The following DLGAP1 variants were observed in gnomAD, a reference collection of about 807,000 sequenced individuals.
DLGAP1 encodes the protein DLG associated protein 1.
A neutral mutation model predicts 90.8 loss-of-function variants in DLGAP1; 11 were observed. The observed-to-expected ratio is 0.12, with a 90% CI of 0.08 to 0.20. The LOEUF (loss-of-function observed/expected upper bound fraction) is 0.20, where lower values mean the gene tolerates loss of function less well. Ranked by LOEUF, DLGAP1 falls within the 10% of genes least tolerant of loss-of-function variation. The probability of loss-of-function intolerance (pLI) is 1.00; values close to 1 mark genes in which losing one functional copy is unlikely to be tolerated. For synonymous variants in DLGAP1, 558 were observed against 540.7 expected, an observed-to-expected ratio of 1.03 and a Z score of -0.44; for missense variants, 1,050 against 1,333.8, an observed-to-expected ratio of 0.79 and a Z score of 3.31.
At chr18:3,726,419 A>G (rs2062180897) in intron 7 of DLGAP1, among the ~76,000 whole-genome samples, 1 of 151,532 alleles carries the variant, frequency 6.6e-6, no homozygotes. Flanking sequence ...TCATGTGAGA[A>G]AAAGAGAAGG....
intron 2 of DLGAP1, among the ~76,000 whole-genome samples, chr18:4,048,357 C>A (rs1343325919): frequency 6.6e-6 from 1 of 152,112 alleles, no homozygotes; most frequent in African/African-American, 2.4e-5. Context: ...CAATGAAATT[C>A]AAATTTTGCC....
intron 2 of DLGAP1, among the ~76,000 whole-genome samples, chr18:4,012,502 T>C (rs11081090): frequency 0.051 from 7,806 of 152,224 alleles, 289 homozygotes; most frequent in Middle Eastern, 0.14. Context: ...GCATGAGACA[T>C]ACTCCTTTTC....
At chr18:3,949,624 C>T (rs77736535) in intron 3 of DLGAP1, among the ~76,000 whole-genome samples, 26,563 of 152,100 alleles carry the variant, frequency 0.17, 2,548 homozygotes, top group African/African-American at 0.24. Context: ...AGCAGAGCGC[C>T]TCTTTGTCGA....
At chr18:4,087,962 C>T (rs1170059493) in intron 2 of DLGAP1, among the ~76,000 whole-genome samples, 1 of 151,404 alleles carries the variant, frequency 6.6e-6, no homozygotes, top group Non-Finnish European at 1.5e-5. Context: ...GGCTAGCTGT[C>T]TTCTATTTGT....
chr18:3,876,453 T>C (rs2071007410), intron 4 of DLGAP1, among the ~76,000 whole-genome samples: 1 of 152,252 alleles, frequency 6.6e-6, no homozygotes, highest in Admixed American at 6.5e-5. Context: ...TCAATATCTA[T>C]TAATAAGGAT....
chr18:3,600,943 GATATATAGAT>G lies in DLGAP1; in HGVS notation c.1592-18705_1592-18696del, dbSNP rs1433551435. ...ATAGATATATATAGATATATAGATA[GATATATAGAT>G]ATATATAGATATATAGATAGATATA... On this transcript the variant is annotated intron_variant, in intron 7 of 12. Coordinates refer to ENST00000315677, the MANE Select transcript of DLGAP1 (RefSeq NM_004746.4). Among the ~76,000 whole-genome samples, 4 of 70,420 alleles carry G rather than the reference GATATATAGAT, an allele frequency of 5.7e-5. 1 individual carries two copies. The highest frequency in any genetic ancestry group is 3.0e-4 in the East Asian group (1 of 3,368). The allele number at this position is 70,420 out of a possible 152,430, so 46.2% of individuals were successfully genotyped here. A position where few individuals can be genotyped will look rare whatever the true frequency, so the allele number is the denominator to read the frequency against.
intron 7 of DLGAP1, among the ~76,000 whole-genome samples, chr18:3,633,302 C>G (rs1216055482): frequency 2.0e-5 from 3 of 151,292 alleles, no homozygotes; most frequent in Admixed American, 1.3e-4. Context: ...ACTCTGGAGG[C>G]TGAGGCAGGA....
intron 3 of DLGAP1, among the ~76,000 whole-genome samples, chr18:3,922,635 T>G (rs1036758035): frequency 2.0e-5 from 3 of 152,228 alleles, no homozygotes; most frequent in African/African-American, 7.2e-5. Flanking sequence ...TTATTTTACC[T>G]TCTGGCTTGA....
chr18:3,801,160 C>A (rs1039180088), intron 5 of DLGAP1, among the ~76,000 whole-genome samples: 7 of 152,108 alleles, frequency 4.6e-5, no homozygotes, highest in African/African-American at 1.7e-4. Flanking sequence ...GAGGACGGCA[C>A]CAAGCCATTC....
At chr18:3,902,730 ACATT>A (rs1469689352) in intron 3 of DLGAP1, among the ~76,000 whole-genome samples, 1 of 152,208 alleles carries the variant, frequency 6.6e-6, no homozygotes, top group Non-Finnish European at 1.5e-5. Context: ...TTTTAGTCAG[ACATT>A]CAAAGTCCTC....
At chr18:3,956,388 C>G (rs1002040270) in intron 3 of DLGAP1, among the ~76,000 whole-genome samples, 1 of 151,982 alleles carries the variant, frequency 6.6e-6, no homozygotes, top group Non-Finnish European at 1.5e-5. Flanking sequence ...CTCGCTCTGT[C>G]GCCCAGGCTG....
At chr18:3,510,199 GC>G (rs1261381590) in intron 10 of DLGAP1, among the ~76,000 whole-genome samples, 1 of 152,200 alleles carries the variant, frequency 6.6e-6, no homozygotes, top group Admixed American at 6.5e-5. Context: ...GTCCTCAATA[GC>G]TACTGCCTGG....
intron 2 of DLGAP1, among the ~76,000 whole-genome samples, chr18:4,036,198 G>A (rs967925070): frequency 4.6e-5 from 7 of 152,108 alleles, no homozygotes; most frequent in African/African-American, 1.7e-4. Flanking sequence ...GTAATACTAG[G>A]AGAAACACAG....
intron 1 of DLGAP1, among the ~76,000 whole-genome samples, chr18:4,373,966 C>A (rs956610707): frequency 3.2e-4 from 49 of 152,016 alleles, no homozygotes; most frequent in African/African-American, 1.0e-3. Flanking sequence ...GAAAAAAGAA[C>A]CTGAAAGCAT....
At position 3,692,899 on chromosome 18, in the gene DLGAP1, T is replaced by A. The variant is rs1221954145; in HGVS notation, c.1591+36236A>T. ...AACACAGAGCTGGGACCTAGGTTAG[T>A]AATTCTGGACTTGGAGCTTCAAGGC... On this transcript the variant is annotated intron_variant, in intron 7 of 12. Coordinates refer to ENST00000315677, the MANE Select transcript of DLGAP1 (RefSeq NM_004746.4). 8.5e-5 allele frequency among the ~76,000 whole-genome samples: 13 copies of A among 152,290 alleles called. No homozygotes were observed. The South Asian group carries it at 2.5e-3, about 29-fold the overall frequency.
At chr18:4,115,587 G>A (rs1277198935) in intron 2 of DLGAP1, among the ~76,000 whole-genome samples, 6 of 151,904 alleles carry the variant, frequency 3.9e-5, no homozygotes, top group African/African-American at 1.2e-4. Context: ...CGGGGTTCAC[G>A]CCATCCTCCT....
chr18:4,235,205 T>C (rs1045211692), intron 1 of DLGAP1, among the ~76,000 whole-genome samples: 1 of 152,216 alleles, frequency 6.6e-6, no homozygotes, highest in Non-Finnish European at 1.5e-5. Flanking sequence ...CACATTCATT[T>C]TGTACCCTCA....
At chr18:3,765,644 G>T (rs989959698) in intron 5 of DLGAP1, among the ~76,000 whole-genome samples, 1 of 151,806 alleles carries the variant, frequency 6.6e-6, no homozygotes, top group African/African-American at 2.4e-5. Flanking sequence ...AACCAGCCTG[G>T]CCAACATGGT....
At chr18:3,743,639 C>G (rs192320254) in intron 5 of DLGAP1, among the ~76,000 whole-genome samples, 18 of 150,200 alleles carry the variant, frequency 1.2e-4, no homozygotes. Context: ...CAGGCGTGAG[C>G]CACCGCGCCC....
Sources: gnomAD v4.1 joint callset for allele counts (sites outside exome capture counted in the v4.1 genomes callset) on GRCh38, gnomAD v4.1.1 for gene constraint, MANE v1.5 for transcripts, NCBI Gene and HGNC (gene_info 2026-07-23, HGNC 2026-07-21) for gene names.